Variants in MTUS2 observed in about 807,000 individuals in gnomAD.
MTUS2 encodes microtubule associated scaffold protein 2, also known as microtubule-associated tumor suppressor candidate 2.
Under a neutral mutation model 114.1 loss-of-function variants are expected in MTUS2, and 40 were observed. The observed-to-expected ratio is 0.35, with a 90% CI of 0.27 to 0.46. The LOEUF is 0.46. Among genes scored for constraint, MTUS2 ranks in the 20% least tolerant of loss-of-function variants. MTUS2 has a pLI of 1.00. For synonymous variants in MTUS2, 688 were observed against 672.0 expected, an observed-to-expected ratio of 1.02 and a Z score of -0.37; for missense variants, 1,679 against 1,705.4, an observed-to-expected ratio of 0.98 and a Z score of 0.27.
chr13:28,917,202 G>C (rs1880793154), intron 2 of MTUS2, among the ~76,000 whole-genome samples: 1 of 151,974 alleles, frequency 6.6e-6, no homozygotes, highest in African/African-American at 2.4e-5. Flanking sequence ...ATTTTCATCA[G>C]AGATATTGGC....
At chr13:28,903,240 GTTCTT>G (rs936687955) in intron 2 of MTUS2, among the ~76,000 whole-genome samples, 1 of 151,820 alleles carries the variant, frequency 6.6e-6, no homozygotes, top group South Asian at 2.1e-4. Flanking sequence ...GCAGTTGACA[GTTCTT>G]TTCTTTCTTA....
At chr13:29,447,545 G>C (rs1029366898) in intron 9 of MTUS2, among the ~76,000 whole-genome samples, 1 of 151,652 alleles carries the variant, frequency 6.6e-6, no homozygotes, top group Non-Finnish European at 1.5e-5. Context: ...GGAAATCAGG[G>C]TGACTTAAGT....
At chr13:29,182,889 A>G (rs1593570532) in intron 5 of MTUS2, among the ~76,000 whole-genome samples, 1 of 152,204 alleles carries the variant, frequency 6.6e-6, no homozygotes, top group Non-Finnish European at 1.5e-5. Flanking sequence ...GTGAGTTCCA[A>G]GGGTAGCATG....
intron 8 of MTUS2, among the ~76,000 whole-genome samples, chr13:29,370,296 G>A (rs1871092871): frequency 6.6e-6 from 1 of 152,038 alleles, no homozygotes; most frequent in South Asian, 2.1e-4. Context: ...TAGGAGGTAG[G>A]GCCTTTAAGA....
intron 4 of MTUS2, among the ~76,000 whole-genome samples, chr13:29,085,809 G>A (rs1889667466): frequency 6.6e-6 from 1 of 152,188 alleles, no homozygotes; most frequent in Non-Finnish European, 1.5e-5. Context: ...ATACCCAGCA[G>A]TGGGATTGCT....
intron 9 of MTUS2, among the ~76,000 whole-genome samples, chr13:29,462,297 G>A (rs1428763188): frequency 6.6e-6 from 1 of 152,178 alleles, no homozygotes; most frequent in African/African-American, 2.4e-5. Context: ...AAGTCAGGAG[G>A]CTACAGAGTC....
chr13:29,166,884 A>C (rs1893337352), intron 5 of MTUS2, among the ~76,000 whole-genome samples: 1 of 152,208 alleles, frequency 6.6e-6, no homozygotes. Context: ...TTTTAAAGTA[A>C]ATGTATTTCG....
At chr13:29,232,324 GCACA>G (rs1491281070) in intron 5 of MTUS2, among the ~76,000 whole-genome samples, 1 of 31,894 alleles carries the variant, frequency 3.1e-5, no homozygotes, top group Admixed American at 5.0e-4. Flanking sequence ...ACACACACAC[GCACA>G]CATACACATA....
chr13:29,351,778 AT>A (rs10706342), intron 7 of MTUS2, among the ~76,000 whole-genome samples: 78,236 of 141,602 alleles, frequency 0.55, 23,670 homozygotes, highest in East Asian at 0.75. Flanking sequence ...AATTTTGTTT[AT>A]TTTTTTTTTT....
intron 5 of MTUS2, among the ~76,000 whole-genome samples, chr13:29,148,493 T>C (rs1405668924): frequency 5.1e-5 from 3 of 58,272 alleles, no homozygotes; most frequent in Non-Finnish European, 1.6e-4. Context: ...TTTTTTTTTT[T>C]TTTGAGACGG....
chr13:29,010,546 C>A (rs1433555654), intron 2 of MTUS2, among the ~76,000 whole-genome samples: 1 of 152,060 alleles, frequency 6.6e-6, no homozygotes, highest in Non-Finnish European at 1.5e-5. Flanking sequence ...AGGCTAGGAC[C>A]CCTTTCCTTC....
At chr13:29,078,900 T>G (rs1889314983) in intron 4 of MTUS2, among the ~76,000 whole-genome samples, 1 of 152,216 alleles carries the variant, frequency 6.6e-6, no homozygotes, top group African/African-American at 2.4e-5. Context: ...TATGTGCAAG[T>G]TTTATGTAAA....
At chr13:29,233,326 G>A (rs915244904) in intron 5 of MTUS2, among the ~76,000 whole-genome samples, 3 of 151,908 alleles carry the variant, frequency 2.0e-5, no homozygotes, top group African/African-American at 4.8e-5. Flanking sequence ...TTAGACAATC[G>A]GTGAGAACAG....
At chr13:28,853,110 T>C (rs552985924) in intron 2 of MTUS2, among the ~76,000 whole-genome samples, 3 of 152,208 alleles carry the variant, frequency 2.0e-5, no homozygotes, top group Non-Finnish European at 2.9e-5. Flanking sequence ...CTTAAATGCC[T>C]TCATGTTGGA....
At chr13:29,291,915 C>A (rs565993175) in intron 6 of MTUS2, among the ~76,000 whole-genome samples, 1 of 152,342 alleles carries the variant, frequency 6.6e-6, no homozygotes, top group Admixed American at 6.5e-5. Flanking sequence ...GCCCTCCTTG[C>A]ATTTCAAAAT....
At position 28,872,298 on chromosome 13, in the gene MTUS2, C is replaced by T. The variant is rs146680363; in HGVS notation, c.-243+32448C>T. The stretch of plus-strand genomic sequence containing the variant: ...GAAAGAGAGGAATTGAACAGCACTC[C>T]TAGGTTTTTGTCCTGAGCATTTGAG... On this transcript the variant is annotated intron_variant, in intron 2 of 15. Coordinates refer to ENST00000612955, the MANE Select transcript of MTUS2 (RefSeq NM_001033602.4). Among the ~76,000 whole-genome samples the T allele has an allele frequency of 1.8e-3, 268 of 151,876 alleles. 3 individuals carry two copies. Among genetic ancestry groups the T allele is most frequent in the African/African-American group, 5.8e-3 (241 of 41,412 alleles).
intron 8 of MTUS2, among the ~76,000 whole-genome samples, chr13:29,390,879 T>C (rs2138436242): frequency 6.6e-6 from 1 of 151,076 alleles, no homozygotes; most frequent in Non-Finnish European, 1.5e-5. Flanking sequence ...GCCTCCCAGG[T>C]TCAAGCAATT....
chr13:29,160,472 T>A (rs1893045713), intron 5 of MTUS2, among the ~76,000 whole-genome samples: 1 of 152,128 alleles, frequency 6.6e-6, no homozygotes, highest in African/African-American at 2.4e-5. Flanking sequence ...TTTCAGTGAG[T>A]CAAAAATTAT....
In MTUS2 at chr13:29,404,101, G is replaced by A. The variant is rs962857634; in HGVS notation, c.3118-35882G>A. 2.1e-4 allele frequency among the ~76,000 whole-genome samples: 32 copies of A among 149,328 alleles called. 1 individual carries two copies. Among genetic ancestry groups the A allele is most frequent in the Admixed American group, 2.0e-3 (30 of 14,816 alleles). On this transcript the variant is annotated intron_variant, in intron 8 of 15. Transcript: ENST00000612955. ...CAGAGAAAGAACTGCCTAAAACACC[G>A]ATCTGACCATGTCCCTCCCCTATTA...
Sources: allele counts gnomAD v4.1 joint callset (sites outside exome capture counted in the v4.1 genomes callset), GRCh38; gene constraint gnomAD v4.1.1; transcripts MANE v1.5; gene names NCBI Gene and HGNC (gene_info 2026-07-23, HGNC 2026-07-21).